MANEA: variants seen among roughly 807,000 people sequenced by gnomAD.
MANEA encodes mannosidase endo-alpha, also known as glycoprotein endo-alpha-1,2-mannosidase.
A neutral mutation model predicts 36.8 loss-of-function variants in MANEA; 25 were observed. The ratio of observed to expected loss-of-function variants is 0.68; its 90% CI spans 0.50 to 0.95. The LOEUF (loss-of-function observed/expected upper bound fraction) is 0.95, where lower values mean the gene tolerates loss of function less well. Ranked by LOEUF, MANEA falls within the 40% of genes least tolerant of loss-of-function variation. The probability of loss-of-function intolerance (pLI) is 0.00; values close to 1 mark genes in which losing one functional copy is unlikely to be tolerated. For missense variants in MANEA, 565 were observed against 558.8 expected (o/e 1.01, Z -0.11); for synonymous variants, 198 against 188.5 (o/e 1.05, Z -0.41).
Position 95,606,225 on chromosome 6 carries a change from T to G in MANEA, c.1209T>G (p.Asn403Lys), listed in dbSNP as rs765299555. The G allele has an allele frequency of 1.2e-6, 2 of 1,613,996 alleles. No homozygotes were observed. The highest frequency in any genetic ancestry group is 4.5e-5 in the East Asian group (2 of 44,860). ...RPSLISITSF[N>K]EWHEGTQIEK... is the part of the protein sequence containing the mutation. ...GCTTAATTTCTATCACCTCTTTTAA[T>G]GAGTGGCATGAAGGAACTCAGATTG... Residue 403 changes from asparagine (N) to lysine (K), a missense_variant, in exon 5 of 5, where the codon AAT becomes AAG. Coordinates refer to ENST00000358812, the MANE Select transcript of MANEA (RefSeq NM_024641.4).
At chr6:95,587,423 ACCGCTGAAAACTGTATACATAT>A (rs1429095413) in intron 2 of MANEA, 1 of 169,394 alleles carries the variant, frequency 5.9e-6, no homozygotes, top group Non-Finnish European at 1.3e-5. Flanking sequence ...CTTCTCCCCT[ACCGCTGAAAACTGTATACATAT>A]CAGCTGGATC....
In MANEA at chr6:95,608,345, A is replaced by G. The variant is rs775870966; in HGVS notation, c.*1940A>G. 6.6e-6 allele frequency: 1 copy of G among 151,924 alleles called. No individual in the cohort carries two copies. Among genetic ancestry groups the G allele is most frequent in the Non-Finnish European group, 1.5e-5 (1 of 67,814 alleles). The allele number at this position is 151,924 out of a possible 1,614,324, so 9.4% of individuals were successfully genotyped here. A position where few individuals can be genotyped will look rare whatever the true frequency, so the allele number is the denominator to read the frequency against. On this transcript the variant is annotated 3_prime_UTR_variant, in exon 5 of 5. Transcript: ENST00000358812. ...TGTACGTTGTGTATTTGAACCCACCATGACAGAAAGTAAATTTTAGGAAAT... is the reference window on the plus strand; with the variant it reads ...TGTACGTTGTGTATTTGAACCCACCGTGACAGAAAGTAAATTTTAGGAAAT...
At chr6:95,577,851 C>T (rs1582215507) in intron 1 of MANEA, among the ~76,000 whole-genome samples, 1 of 152,358 alleles carries the variant, frequency 6.6e-6, no homozygotes, top group South Asian at 2.1e-4. Flanking sequence ...GGCTGTCACT[C>T]TTAGGCCTGT....
rs113389794 is a variant in MANEA at position 95,578,318 on chromosome 6, CTGTT to C, written c.-39+683_-39+686del. Among the ~76,000 whole-genome samples, 256 of 152,190 alleles carry C rather than the reference CTGTT, an allele frequency of 1.7e-3. 1 individual carries two copies. The highest frequency in any genetic ancestry group is 5.8e-3 in the African/African-American group (239 of 41,524). On this transcript the variant is annotated intron_variant, in intron 1 of 4. Transcript: ENST00000358812. ...CAACTTGAAGTACAGGCAGGTATAA[CTGTT>C]TGGTTTTGTTGTTGTAAGACCCTAC...
At chr6:95,603,261 T>C (rs752291335) in intron 3 of MANEA, among the ~76,000 whole-genome samples, 209 of 152,120 alleles carry the variant, frequency 1.4e-3, no homozygotes, top group Non-Finnish European at 2.3e-3. Context: ...ATGGTGTCCT[T>C]TATGTATAAA....
At chr6:95,591,843 AC>A (rs1325817405) in intron 2 of MANEA, among the ~76,000 whole-genome samples, 1 of 152,148 alleles carries the variant, frequency 6.6e-6, no homozygotes, top group African/African-American at 2.4e-5. Context: ...AGCTGGGACT[AC>A]AGATGTGCTC....
At chr6:95,584,805 A>G (rs1165484107) in intron 1 of MANEA, among the ~76,000 whole-genome samples, 1 of 152,128 alleles carries the variant, frequency 6.6e-6, no homozygotes, top group East Asian at 1.9e-4. Context: ...CCCAACTGTA[A>G]AATTCCTCTC....
chr6:95,594,383 C>T (rs998467263), intron 2 of MANEA, among the ~76,000 whole-genome samples: 1 of 152,120 alleles, frequency 6.6e-6, no homozygotes, highest in African/African-American at 2.4e-5. Flanking sequence ...TACTATACTG[C>T]CCTGCCTCTC....
intron 1 of MANEA, among the ~76,000 whole-genome samples, chr6:95,584,790 G>A (rs900089263): frequency 6.6e-6 from 1 of 152,066 alleles, no homozygotes; most frequent in East Asian, 1.9e-4. Flanking sequence ...TGTCACCCCC[G>A]GTGGCCCAAC....
intron 3 of MANEA, among the ~76,000 whole-genome samples, chr6:95,602,107 C>T (rs565915435): frequency 6.6e-6 from 1 of 152,112 alleles, no homozygotes; most frequent in Non-Finnish European, 1.5e-5. Flanking sequence ...GGGAATCTTA[C>T]CTAAATCCAG....
chr6:95,585,688 A>T (rs1230605767), intron 1 of MANEA, among the ~76,000 whole-genome samples: 2 of 152,128 alleles, frequency 1.3e-5, no homozygotes, highest in Non-Finnish European at 2.9e-5. Flanking sequence ...CATTTAAAAA[A>T]TTTTGTCTGA....
rs141094153 is a variant in MANEA at position 95,583,113 on chromosome 6, T to C, written c.-38-3289T>C. 5.9e-3 allele frequency among the ~76,000 whole-genome samples: 899 copies of C among 152,274 alleles called. 8 individuals are homozygous for C. Among genetic ancestry groups the C allele is most frequent in the African/African-American group, 0.021 (867 of 41,556 alleles). Reference sequence around the variant, plus strand: ...CTTCTGGAGGAACATTTTGTCAGTATGTATATAGTTATTAAAACAAAATCT... The same window carrying C: ...CTTCTGGAGGAACATTTTGTCAGTACGTATATAGTTATTAAAACAAAATCT... On this transcript the variant is annotated intron_variant, in intron 1 of 4. Coordinates refer to ENST00000358812, the MANE Select transcript of MANEA (RefSeq NM_024641.4).
chr6:95,579,208 A>G (rs899607587), intron 1 of MANEA, among the ~76,000 whole-genome samples: 2 of 152,130 alleles, frequency 1.3e-5, no homozygotes, highest in Non-Finnish European at 2.9e-5. Flanking sequence ...CCCTGTCTCT[A>G]CTAAAAATAC....
chr6:95,585,821 C>A (rs1769269184), intron 1 of MANEA, among the ~76,000 whole-genome samples: 1 of 151,864 alleles, frequency 6.6e-6, no homozygotes, highest in Admixed American at 6.6e-5. Flanking sequence ...GTAAGTATTT[C>A]CTTTTTATTA....
chr6:95,587,858 TTC>T (rs1769316841), intron 2 of MANEA, among the ~76,000 whole-genome samples: 1 of 152,086 alleles, frequency 6.6e-6, no homozygotes, highest in African/African-American at 2.4e-5. Flanking sequence ...ACACGTCTGT[TTC>T]TTTTTTTCCT....
intron 2 of MANEA, among the ~76,000 whole-genome samples, chr6:95,593,566 A>T (rs1463852393): frequency 6.6e-6 from 1 of 152,218 alleles, no homozygotes; most frequent in Admixed American, 6.5e-5. Context: ...AAAACAGTAG[A>T]TACATAGTCA....
chr6:95,592,182 T>C (rs1490764906), intron 2 of MANEA, among the ~76,000 whole-genome samples: 1 of 152,230 alleles, frequency 6.6e-6, no homozygotes, highest in East Asian at 1.9e-4. Context: ...TTCCTGATTA[T>C]CTCCTCAGCT....
chr6:95,584,427 T>C (rs1769241416), intron 1 of MANEA, among the ~76,000 whole-genome samples: 2 of 152,168 alleles, frequency 1.3e-5, no homozygotes, highest in Admixed American at 1.3e-4. Context: ...TGGGAGTGTC[T>C]GTCCTATGCG....
At chr6:95,592,016 A>G (rs1395395804) in intron 2 of MANEA, among the ~76,000 whole-genome samples, 2 of 152,242 alleles carry the variant, frequency 1.3e-5, no homozygotes, top group East Asian at 1.9e-4. Context: ...TATTTTTTCA[A>G]ATAAACCTCC....
Sources: gnomAD v4.1 joint callset for allele counts (sites outside exome capture counted in the v4.1 genomes callset) on GRCh38, gnomAD v4.1.1 for gene constraint, MANE v1.5 for transcripts, NCBI Gene and HGNC (gene_info 2026-07-23, HGNC 2026-07-21) for gene names.